The following PDE3A variants were observed in gnomAD, a reference collection of about 807,000 sequenced individuals.
PDE3A encodes phosphodiesterase 3A.
PDE3A carries 43 observed loss-of-function variants against 98.3 expected under a neutral mutation model. The ratio of observed to expected loss-of-function variants is 0.44; its 90% CI spans 0.34 to 0.56. The LOEUF (loss-of-function observed/expected upper bound fraction) is 0.56. Among genes scored for constraint, PDE3A ranks in the 20% least tolerant of loss-of-function variants. PDE3A has a pLI of 0.01. For synonymous variants in PDE3A, 663 were observed against 567.9 expected (o/e 1.17, Z -2.38); for missense variants, 1,427 against 1,440.7 (o/e 0.99, Z 0.15).
chr12:20,555,785 T>TTGA (rs1275838372), intron 1 of PDE3A, among the ~76,000 whole-genome samples: 1 of 152,234 alleles, frequency 6.6e-6, no homozygotes, highest in Non-Finnish European at 1.5e-5. Context: ...CAAACATTTC[T>TTGA]TGATAATATT....
chr12:20,444,332 C>A (rs1459721214), intron 1 of PDE3A, among the ~76,000 whole-genome samples: 1 of 152,194 alleles, frequency 6.6e-6, no homozygotes, highest in African/African-American at 2.4e-5. Context: ...AGACTTCACA[C>A]TGCTCACTTT....
chr12:20,380,748 G>T (rs1943649573), intron 1 of PDE3A, among the ~76,000 whole-genome samples: 1 of 151,774 alleles, frequency 6.6e-6, no homozygotes, highest in Non-Finnish European at 1.5e-5. Flanking sequence ...AACTTCCAGA[G>T]TTTGAGAGTT....
intron 2 of PDE3A, among the ~76,000 whole-genome samples, chr12:20,605,538 G>T (rs538256807): frequency 6.6e-6 from 1 of 152,112 alleles, no homozygotes; most frequent in Admixed American, 6.5e-5. Context: ...GTGTGTAAAT[G>T]TAGAGAAATG....
At chr12:20,576,741 G>C (rs1467427256) in intron 2 of PDE3A, among the ~76,000 whole-genome samples, 1 of 152,082 alleles carries the variant, frequency 6.6e-6, no homozygotes, top group Admixed American at 6.6e-5. Flanking sequence ...CTTCTTGTCA[G>C]TTACAGAAAA....
chr12:20,378,640 T>C (rs1180949446), intron 1 of PDE3A, among the ~76,000 whole-genome samples: 3 of 151,748 alleles, frequency 2.0e-5, no homozygotes, highest in Admixed American at 2.0e-4. Flanking sequence ...GGATGCTGGC[T>C]CGCTTCTGGT....
intron 10 of PDE3A, among the ~76,000 whole-genome samples, chr12:20,645,091 G>A (rs1431566666): frequency 6.6e-6 from 1 of 151,836 alleles, no homozygotes; most frequent in East Asian, 1.9e-4. Context: ...ATTTTACCAT[G>A]TTGGCCAGGC....
intron 15 of PDE3A, among the ~76,000 whole-genome samples, chr12:20,669,500 C>G (rs1315085091): frequency 1.3e-5 from 2 of 151,870 alleles, no homozygotes; most frequent in African/African-American, 4.8e-5. Context: ...CAGCAGATCT[C>G]TCGGCAGAAA....
intron 15 of PDE3A, among the ~76,000 whole-genome samples, chr12:20,672,543 T>G (rs1002253100): frequency 6.6e-6 from 1 of 151,284 alleles, no homozygotes. Flanking sequence ...GAAATAACGC[T>G]GCATATCTAC....
chr12:20,561,533 T>G (rs1270637749), intron 2 of PDE3A, among the ~76,000 whole-genome samples: 1 of 152,182 alleles, frequency 6.6e-6, no homozygotes, highest in Admixed American at 6.5e-5. Flanking sequence ...TATTTTACTT[T>G]GATTCGCAAA....
At chr12:20,614,771 C>G (rs1356952094) in intron 3 of PDE3A, among the ~76,000 whole-genome samples, 1 of 152,122 alleles carries the variant, frequency 6.6e-6, no homozygotes, top group East Asian at 1.9e-4. Context: ...ACACTGGAAA[C>G]TATTTAATAT....
At chr12:20,481,715 G>T (rs1025445213) in intron 1 of PDE3A, among the ~76,000 whole-genome samples, 1 of 147,140 alleles carries the variant, frequency 6.8e-6, no homozygotes, top group Non-Finnish European at 1.5e-5. Flanking sequence ...ACAGATTTTC[G>T]GCTTCAACAA....
At chr12:20,437,983 C>G (rs78190967) in intron 1 of PDE3A, among the ~76,000 whole-genome samples, 3 of 134,994 alleles carry the variant, frequency 2.2e-5, no homozygotes, top group African/African-American at 7.7e-5. Flanking sequence ...TTTTTTTTTT[C>G]CAGTAAGATT....
chr12:20,683,478 T>A lies in PDE3A; in HGVS notation c.*3207T>A, dbSNP rs1288607293. On this transcript the variant is annotated 3_prime_UTR_variant, in exon 16 of 16. Coordinates refer to ENST00000359062, the MANE Select transcript of PDE3A (RefSeq NM_000921.5). ...GGAACTGGTTACCTGGATGCCATGG[T>A]TCTCTGTTAAATAAAGTAAGAGACC... 6.6e-6 allele frequency: 1 copy of A among 152,176 alleles called. No individual in the cohort carries two copies. Among genetic ancestry groups the A allele is most frequent in the Non-Finnish European group, 1.5e-5 (1 of 68,024 alleles). 9.4% of individuals were successfully genotyped at this position (152,176 alleles called of 1,614,324 possible).
chr12:20,562,955 A>G (rs1942565448), intron 2 of PDE3A, among the ~76,000 whole-genome samples: 1 of 152,208 alleles, frequency 6.6e-6, no homozygotes, highest in African/African-American at 2.4e-5. Context: ...ACACTAGACT[A>G]TCATCAGTAT....
chr12:20,640,912 A>G (rs1292919960), intron 10 of PDE3A, among the ~76,000 whole-genome samples: 1 of 152,144 alleles, frequency 6.6e-6, no homozygotes, highest in Non-Finnish European at 1.5e-5. Flanking sequence ...ATCATATTTT[A>G]GCTTTTAAGC....
intron 7 of PDE3A, among the ~76,000 whole-genome samples, chr12:20,634,541 C>T (rs1944454533): frequency 6.6e-6 from 1 of 152,144 alleles, no homozygotes; most frequent in Admixed American, 6.5e-5. Flanking sequence ...GTTTCTCCCA[C>T]CTCACGTGCC....
rs1294463464 is a variant in PDE3A, at chr12:20,680,869, T to TGTGTGTGA, written c.*599_*600insTGTGTGAG. On this transcript the variant is annotated 3_prime_UTR_variant, in exon 16 of 16. Transcript: ENST00000359062. Reference sequence around the variant, plus strand: ...GTGTGTGTGTGTGTGTGTGTGTGTGTGAAAGAGAGACAGAAGGGAATGGTT... The same window carrying TGTGTGTGA: ...GTGTGTGTGTGTGTGTGTGTGTGTGTGTGTGTGAGAAAGAGAGACAGAAGGGAATGGTT... 2 of 138,832 alleles carry TGTGTGTGA rather than the reference T, an allele frequency of 1.4e-5. No individual in the cohort carries two copies. The highest frequency in any genetic ancestry group is 5.4e-5 in the African/African-American group (2 of 37,042). The allele number at this position is 138,832 out of a possible 1,614,324, so 8.6% of individuals were successfully genotyped here.
intron 1 of PDE3A, among the ~76,000 whole-genome samples, chr12:20,440,375 A>G (rs1322261557): frequency 6.6e-6 from 1 of 152,158 alleles, no homozygotes; most frequent in African/African-American, 2.4e-5. Flanking sequence ...AGACGTTAAT[A>G]TTCAAAGCCC....
intron 1 of PDE3A, among the ~76,000 whole-genome samples, chr12:20,400,210 A>G (rs1025315918): frequency 2.0e-5 from 3 of 151,910 alleles, no homozygotes; most frequent in Non-Finnish European, 4.4e-5. Flanking sequence ...ACTGAGCTCT[A>G]TTTTTAAAAG....
Sources: gnomAD v4.1 joint callset for allele counts (sites outside exome capture counted in the v4.1 genomes callset) on GRCh38, gnomAD v4.1.1 for gene constraint, MANE v1.5 for transcripts, NCBI Gene and HGNC (gene_info 2026-07-23, HGNC 2026-07-21) for gene names.